Variants in RTKN2 observed in about 807,000 individuals in gnomAD.
RTKN2 encodes rhotekin-2.
Under a neutral mutation model 71.5 loss-of-function variants are expected in RTKN2, and 69 were observed. The observed-to-expected ratio is 0.96, with a 90% CI of 0.79 to 1.18. RTKN2 has a LOEUF of 1.18. RTKN2 is among the 50% of genes most tolerant of loss of function. RTKN2 has a pLI of 0.00. For synonymous variants in RTKN2, 236 were observed against 236.5 expected, an observed-to-expected ratio of 1.00 and a Z score of 0.02; for missense variants, 724 against 719.7, an observed-to-expected ratio of 1.01 and a Z score of -0.07.
At chr10:62,222,006 C>T (rs959378449) in intron 7 of RTKN2, among the ~76,000 whole-genome samples, 3 of 151,914 alleles carry the variant, frequency 2.0e-5, no homozygotes, top group Admixed American at 1.3e-4. Flanking sequence ...GCTGAAGAAC[C>T]CTGTAACTAT....
rs920266233 is a variant in RTKN2, at chr10:62,193,181, A to G, written c.*4727T>C. ...AAATATAAAAATATTTTTAAGCAAG[A>G]CACCAAAAAGTATTCATTTTCAACA... is the stretch of plus-strand genomic sequence containing the variant. On this transcript the variant is annotated 3_prime_UTR_variant, in exon 12 of 12. Coordinates refer to ENST00000373789, the MANE Select transcript of RTKN2 (RefSeq NM_145307.4). The G allele has an allele frequency of 1.2e-5, 10 of 809,530 alleles. No homozygotes were observed. The East Asian group carries it at 1.3e-3, about 102-fold the overall frequency. The allele number at this position is 809,530 out of a possible 1,614,324, so 50.1% of individuals were successfully genotyped here. A position where few individuals can be genotyped will look rare whatever the true frequency, so the allele number is the denominator to read the frequency against.
chr10:62,221,136 TAA>T (rs34217296), intron 7 of RTKN2, among the ~76,000 whole-genome samples: 2 of 147,768 alleles, frequency 1.4e-5, no homozygotes, highest in African/African-American at 4.9e-5. Context: ...AAATAAGTAC[TAA>T]AAAAAAAAAG....
intron 2 of RTKN2, among the ~76,000 whole-genome samples, chr10:62,253,383 T>G (rs778016445): frequency 6.6e-6 from 1 of 152,168 alleles, no homozygotes; most frequent in African/African-American, 2.4e-5. Flanking sequence ...GAAGACAAGC[T>G]TTAATAATAA....
In RTKN2 at chr10:62,197,421, C is replaced by G. The variant is rs1242884416; in HGVS notation, c.*487G>C. The G allele has an allele frequency of 4.1e-6, 4 of 986,570 alleles. No individual in the cohort carries two copies. The South Asian group carries it at 1.9e-4, about 46-fold the overall frequency. The allele number at this position is 986,570 out of a possible 1,614,324, so 61.1% of individuals were successfully genotyped here. A position where few individuals can be genotyped will look rare whatever the true frequency, so the allele number is the denominator to read the frequency against. ...AAACAATAGATGAGAGCCAGTGAAC[C>G]ATTAGATGAGAATTCCAGAATGCTA... On this transcript the variant is annotated 3_prime_UTR_variant, in exon 12 of 12. Transcript: ENST00000373789.
chr10:62,241,750 G>A (rs1040108188), intron 3 of RTKN2, among the ~76,000 whole-genome samples: 6 of 152,058 alleles, frequency 3.9e-5, no homozygotes, highest in Non-Finnish European at 8.8e-5. Flanking sequence ...CCAGGCTGGA[G>A]TGCAGTGGCA....
intron 6 of RTKN2, among the ~76,000 whole-genome samples, chr10:62,231,377 A>G (rs1027637678): frequency 6.6e-6 from 1 of 152,210 alleles, no homozygotes; most frequent in African/African-American, 2.4e-5. Context: ...GAATAGATGA[A>G]TCTTATCAGG....
At chr10:62,250,767 C>T (rs1564525750) in intron 2 of RTKN2, among the ~76,000 whole-genome samples, 1 of 152,126 alleles carries the variant, frequency 6.6e-6, no homozygotes, top group Non-Finnish European at 1.5e-5. Context: ...GTAGCTGGGA[C>T]TACAGGCACA....
rs988670264 is a variant in RTKN2 at position 62,195,799 on chromosome 10, G to A, written c.*2109C>T. Reference sequence around the variant, plus strand: ...AAGCTGGGCCCCCCAGAAAGAGACCGAATAATTTGGTGGGGAGGGGGTGGT... The same window carrying A: ...AAGCTGGGCCCCCCAGAAAGAGACCAAATAATTTGGTGGGGAGGGGGTGGT... On this transcript the variant is annotated 3_prime_UTR_variant, in exon 12 of 12. Coordinates refer to ENST00000373789, the MANE Select transcript of RTKN2 (RefSeq NM_145307.4). The A allele has an allele frequency of 9.1e-6, 9 of 985,328 alleles. No homozygotes were observed. Among genetic ancestry groups the A allele is most frequent in the Admixed American group, 6.2e-5 (1 of 16,224 alleles). 61.0% of individuals were successfully genotyped at this position (985,328 alleles called of 1,614,324 possible). A position where few individuals can be genotyped will look rare whatever the true frequency, so the allele number is the denominator to read the frequency against.
intron 9 of RTKN2, among the ~76,000 whole-genome samples, chr10:62,215,935 A>C (rs1209102807): frequency 1.3e-5 from 2 of 152,014 alleles, no homozygotes; most frequent in African/African-American, 4.8e-5. Flanking sequence ...CTAAGCCAAA[A>C]TAGATTCATT....
chr10:62,202,346 G>C (rs1841461463), intron 10 of RTKN2, among the ~76,000 whole-genome samples: 1 of 151,992 alleles, frequency 6.6e-6, no homozygotes, highest in Non-Finnish European at 1.5e-5. Flanking sequence ...ATTGAAATTT[G>C]CTCTCAATAT....
intron 9 of RTKN2, among the ~76,000 whole-genome samples, chr10:62,207,217 A>G (rs1020761508): frequency 6.6e-6 from 1 of 152,052 alleles, no homozygotes; most frequent in African/African-American, 2.4e-5. Flanking sequence ...CACTACATAG[A>G]AAATCTGATG....
chr10:62,265,485 C>T (rs1842852647), intron 1 of RTKN2, among the ~76,000 whole-genome samples: 1 of 151,892 alleles, frequency 6.6e-6, no homozygotes, highest in Non-Finnish European at 1.5e-5. Context: ...AGGTCTCAGG[C>T]AAATGTCAGT....
At chr10:62,186,110 T>TGG (rs1230073914) in intron 8 of RTKN2, among the ~76,000 whole-genome samples, 1 of 152,234 alleles carries the variant, frequency 6.6e-6, no homozygotes, top group Non-Finnish European at 1.5e-5. Context: ...GTGTGGGCCG[T>TGG]GGGAGGGAGC....
At chr10:62,233,915 C>A (rs1337252994) in intron 6 of RTKN2, among the ~76,000 whole-genome samples, 1 of 152,048 alleles carries the variant, frequency 6.6e-6, no homozygotes, top group Non-Finnish European at 1.5e-5. Flanking sequence ...ACGAAACATG[C>A]AAAGAAATTC....
chr10:62,184,519 A>C (rs1841104352), intron 8 of RTKN2: 1 of 531,896 alleles, frequency 1.9e-6, no homozygotes, highest in Admixed American at 3.8e-5. Context: ...GAGTTGTCTT[A>C]ATATGTAAAA....
intron 6 of RTKN2, among the ~76,000 whole-genome samples, chr10:62,226,544 T>C (rs117851853): frequency 0.041 from 6,229 of 152,312 alleles, 207 homozygotes; most frequent in Non-Finnish European, 0.061. Flanking sequence ...AACAAAACAA[T>C]GCATGAGTAC....
intron 2 of RTKN2, among the ~76,000 whole-genome samples, chr10:62,252,017 A>G (rs531578417): frequency 1.3e-5 from 2 of 152,196 alleles, no homozygotes; most frequent in East Asian, 3.9e-4. Flanking sequence ...GCCAACGTAT[A>G]TGTAATCAGA....
Position 62,217,254 on chromosome 10 carries a change from A to G in RTKN2, c.889-5T>C. On this transcript the variant is annotated splice_polypyrimidine_tract_variant and splice_region_variant and intron_variant, in intron 8 of 11. Transcript: ENST00000373789. Reference sequence around the variant, plus strand: ...AATCAGACCTTCTACCATTTGCTGAAAAAAAAAAAAAAAAAATCAAGAGAC... The same window carrying G: ...AATCAGACCTTCTACCATTTGCTGAGAAAAAAAAAAAAAAAATCAAGAGAC... 1.3e-5 allele frequency: 1 copy of G among 75,214 alleles called. No homozygotes were observed. Among genetic ancestry groups the G allele is most frequent in the Non-Finnish European group, 1.8e-5 (1 of 55,322 alleles). The allele number at this position is 75,214 out of a possible 1,614,324, so 4.7% of individuals were successfully genotyped here.
At chr10:62,199,440 T>A (rs554714513) in intron 11 of RTKN2, among the ~76,000 whole-genome samples, 1 of 152,350 alleles carries the variant, frequency 6.6e-6, no homozygotes, top group East Asian at 1.9e-4. Context: ...CATTTTAGAA[T>A]GTGCAAATGT....
Sources: allele counts gnomAD v4.1 joint callset (sites outside exome capture counted in the v4.1 genomes callset), GRCh38; gene constraint gnomAD v4.1.1; transcripts MANE v1.5; gene names NCBI Gene and HGNC (gene_info 2026-07-23, HGNC 2026-07-21).